ZNF783: variants seen among roughly 807,000 people sequenced by gnomAD.
The protein encoded by ZNF783 is protein ZNF783.
In ZNF783, 25 loss-of-function variants were observed where a neutral mutation model predicts 31.3. The ratio of observed to expected loss-of-function variants is 0.80; its 90% CI spans 0.58 to 1.11. The LOEUF is 1.11. Ranked by LOEUF, ZNF783 falls within the 50% of genes most tolerant of loss-of-function variation. ZNF783 has a pLI of 0.00. For missense variants in ZNF783, 797 were observed against 760.0 expected (o/e 1.05, Z -0.57); for synonymous variants, 369 against 319.1 (o/e 1.16, Z -1.66).
chr7:149,263,294 GTGTGTGTGTGTATATATATA>G (rs1480341196), intron 1 of ZNF783, among the ~76,000 whole-genome samples: 13 of 73,804 alleles, frequency 1.8e-4, no homozygotes, highest in African/African-American at 6.1e-4. Context: ...GTGTGTGTGT[GTGTGTGTGTGTATATATATA>G]TATATATATA....
At chr7:149,273,073 C>A (rs1797244046) in intron 4 of ZNF783, among the ~76,000 whole-genome samples, 1 of 152,172 alleles carries the variant, frequency 6.6e-6, no homozygotes, top group African/African-American at 2.4e-5. Context: ...TTGCAGATGA[C>A]AGGATCTCAT....
chr7:149,278,364 T>C, intron 4 of ZNF783, 35 bp from the exon 5 acceptor site: 1 of 1,597,836 alleles, frequency 6.3e-7, no homozygotes, highest in Non-Finnish European at 8.5e-7. Flanking sequence ...GAGACCTCCA[T>C]GTTGTGCTCA....
At chr7:149,280,079 C>T (rs1477472286) in intron 5 of ZNF783, among the ~76,000 whole-genome samples, 8 of 98,348 alleles carry the variant, frequency 8.1e-5, no homozygotes, top group South Asian at 3.9e-4. Context: ...CCGGACGGGG[C>T]GGCTGGCCGG....
At chr7:149,280,403 G>A (rs1797438066) in intron 5 of ZNF783, among the ~76,000 whole-genome samples, 1 of 152,030 alleles carries the variant, frequency 6.6e-6, no homozygotes, top group African/African-American at 2.4e-5. Context: ...GGAGTGTGGG[G>A]GCCTTTTGGG....
chr7:149,266,202 CCAGTCTG>C (rs1797060095), intron 1 of ZNF783, 126 bp from the exon 2 acceptor site: 2 of 1,057,246 alleles, frequency 1.9e-6, no homozygotes, highest in East Asian at 5.3e-5. Flanking sequence ...CCTCTCCCCC[CCAGTCTG>C]CTGCTAACTC....
rs1797533954 is a variant in ZNF783, at chr7:149,283,529, A to G, written c.*1186A>G. The G allele has an allele frequency of 6.6e-6, 1 of 152,200 alleles. No homozygotes were observed. The allele number at this position is 152,200 out of a possible 1,614,324, so 9.4% of individuals were successfully genotyped here. On this transcript the variant is annotated 3_prime_UTR_variant, in exon 6 of 6. Coordinates refer to ENST00000434415, the MANE Select transcript of ZNF783 (RefSeq NM_001195220.2). ...GAAAGCACCCTGAGGGGCAGTGCAG[A>G]GAGAGCCCAGGAAGCCCCTCCACTA...
In ZNF783 at chr7:149,282,468, CCTT is replaced by C; in HGVS notation, c.*128_*130del. On this transcript the variant is annotated 3_prime_UTR_variant, in exon 6 of 6. Coordinates refer to ENST00000434415, the MANE Select transcript of ZNF783 (RefSeq NM_001195220.2). ...CCCATTCAAATGGGAAGCTAGCTGCCCTTCTGGTGACATTGTGTGTGACCGGGT... is the reference window on the plus strand; with the variant it reads ...CCCATTCAAATGGGAAGCTAGCTGCCCTGGTGACATTGTGTGTGACCGGGT... 7.1e-6 allele frequency: 6 copies of C among 844,582 alleles called. No individual in the cohort carries two copies. Among genetic ancestry groups the C allele is most frequent in the Non-Finnish European group, 5.3e-6 (3 of 568,524 alleles). The allele number at this position is 844,582 out of a possible 1,614,324, so 52.3% of individuals were successfully genotyped here. A position where few individuals can be genotyped will look rare whatever the true frequency, so the allele number is the denominator to read the frequency against.
intron 5 of ZNF783, among the ~76,000 whole-genome samples, chr7:149,281,018 A>G (rs1797455008): frequency 6.6e-6 from 1 of 152,208 alleles, no homozygotes; most frequent in Non-Finnish European, 1.5e-5. Context: ...CATGTGGATG[A>G]GCAGCTGAGC....
At chr7:149,280,833 C>T (rs898043420) in intron 5 of ZNF783, among the ~76,000 whole-genome samples, 1 of 152,212 alleles carries the variant, frequency 6.6e-6, no homozygotes, top group Non-Finnish European at 1.5e-5. Flanking sequence ...TGATCACCTG[C>T]CACTGCCTTG....
rs55952748 is a variant in ZNF783 at position 149,282,868 on chromosome 7, C to T, written c.*525C>T. ...TGTGTAGTTGTTAATGGAACTTTGC[C>T]TTTTGCAAAGTCGGAAAGAGTCGGC... is the stretch of plus-strand genomic sequence containing the variant. On this transcript the variant is annotated 3_prime_UTR_variant, in exon 6 of 6. Transcript: ENST00000434415. 6.6e-6 allele frequency: 1 copy of T among 152,620 alleles called. No individual in the cohort carries two copies. The highest frequency in any genetic ancestry group is 1.5e-5 in the Non-Finnish European group (1 of 68,442). The allele number at this position is 152,620 out of a possible 1,614,324, so 9.5% of individuals were successfully genotyped here.
At chr7:149,263,415 G>A (rs911997281) in intron 1 of ZNF783, among the ~76,000 whole-genome samples, 1 of 147,256 alleles carries the variant, frequency 6.8e-6, no homozygotes. Flanking sequence ...TGCCTCCCGG[G>A]TTCAAGGTAT....
chr7:149,282,287 C>A lies in ZNF783; in HGVS notation c.1585C>A (p.Pro529Thr). Residue 529 changes from proline to threonine, a missense_variant, in exon 6 of 6, where the codon CCC becomes ACC. Coordinates refer to ENST00000434415, the MANE Select transcript of ZNF783 (RefSeq NM_001195220.2). ...GGTGGGCCCACACTTCCCTGCCGCCCCCGCCCGCCACGGGAGCCTGCCCCT... is the reference window on the plus strand; with the variant it reads ...GGTGGGCCCACACTTCCCTGCCGCCACCGCCCGCCACGGGAGCCTGCCCCT... ...GQVGPHFPAAPARHGSLPLPW... is the reference protein window; with the variant it reads ...GQVGPHFPAATARHGSLPLPW... 1.9e-6 allele frequency: 3 copies of A among 1,573,598 alleles called. No individual in the cohort carries two copies. The highest frequency in any genetic ancestry group is 2.3e-5 in the East Asian group (1 of 43,276).
Position 149,281,765 on chromosome 7 carries a change from G to A in ZNF783, c.1063G>A (p.Gly355Arg), listed in dbSNP as rs769790352. The change falls in exon 6 of 6, where the codon GGG becomes AGG. Residue 355 changes from glycine to arginine, a missense_variant. Gly to Arg is a moderately radical substitution (Grantham distance 125, BLOSUM62 -2). Coordinates refer to ENST00000434415, the MANE Select transcript of ZNF783 (RefSeq NM_001195220.2). ...GCGGGCATTCCCCTGCCCCGACTGC[G>A]GGCAGAGCTTCCGCCTGAAGATCAA... is the stretch of plus-strand genomic sequence containing the variant. ...RQRAFPCPDC[G>R]QSFRLKINLT... 74 of 1,499,840 alleles carry A rather than the reference G, an allele frequency of 4.9e-5. No individual in the cohort carries two copies. Among genetic ancestry groups the A allele is most frequent in the East Asian group, 2.2e-4 (9 of 41,762 alleles). 92.9% of individuals were successfully genotyped at this position (1,499,840 alleles called of 1,614,324 possible). A position where few individuals can be genotyped will look rare whatever the true frequency, so the allele number is the denominator to read the frequency against.
chr7:149,266,120 G>C (rs929823686), intron 1 of ZNF783, among the ~76,000 whole-genome samples: 3 of 152,178 alleles, frequency 2.0e-5, no homozygotes, highest in Admixed American at 1.3e-4. Context: ...TTTCCCACTT[G>C]CTGACACGTT....
At chr7:149,278,078 CA>C in intron 4 of ZNF783, 1 of 972,402 alleles carries the variant, frequency 1.0e-6, no homozygotes, top group Non-Finnish European at 1.3e-6. Flanking sequence ...AGGTGGTGAC[CA>C]CCCCACTGGC....
intron 1 of ZNF783, among the ~76,000 whole-genome samples, chr7:149,263,548 ATACAC>A (rs1215772112): frequency 2.6e-5 from 4 of 152,116 alleles, no homozygotes; most frequent in African/African-American, 4.8e-5. Context: ...ATTCATAAGA[ATACAC>A]TATAAGTATT....
At chr7:149,274,031 A>G (rs1368576731) in intron 4 of ZNF783, among the ~76,000 whole-genome samples, 1 of 151,786 alleles carries the variant, frequency 6.6e-6, no homozygotes, top group Non-Finnish European at 1.5e-5. Flanking sequence ...GTGTCTTTTC[A>G]CTTTGTTGAT....
chr7:149,283,506 A>AAGCACCCTG lies in ZNF783; in HGVS notation c.*1166_*1174dup, dbSNP rs1199205786. 2 of 152,220 alleles carry AAGCACCCTG rather than the reference A, an allele frequency of 1.3e-5. No individual in the cohort carries two copies. Among genetic ancestry groups the AAGCACCCTG allele is most frequent in the East Asian group, 3.9e-4 (2 of 5,188 alleles). The allele number at this position is 152,220 out of a possible 1,614,324, so 9.4% of individuals were successfully genotyped here. On this transcript the variant is annotated 3_prime_UTR_variant, in exon 6 of 6. Coordinates refer to ENST00000434415, the MANE Select transcript of ZNF783 (RefSeq NM_001195220.2). ...TAAGATCCATTGACTGGACCCCAGAAAGCACCCTGAGGGGCAGTGCAGAGA... is the reference window on the plus strand; with the variant it reads ...TAAGATCCATTGACTGGACCCCAGAAAGCACCCTGAGCACCCTGAGGGGCAGTGCAGAGA...
At position 149,284,759 on chromosome 7, in the gene ZNF783, A is replaced by AATAAC. The variant is rs1178848182; in HGVS notation, c.*2416_*2417insATAAC. On this transcript the variant is annotated 3_prime_UTR_variant, in exon 6 of 6. Transcript: ENST00000434415. ...TTTGCCTAGCACTCAGACCTGTTTA[A>AATAAC]GTAACGTTCTTTACATTGAAACAAG... is the stretch of plus-strand genomic sequence containing the variant. The AATAAC allele has an allele frequency of 2.0e-5, 3 of 152,204 alleles. No individual in the cohort carries two copies. The highest frequency in any genetic ancestry group is 6.5e-5 in the Admixed American group (1 of 15,288). The allele number at this position is 152,204 out of a possible 1,614,324, so 9.4% of individuals were successfully genotyped here.
Sources: gnomAD v4.1 joint callset for allele counts (sites outside exome capture counted in the v4.1 genomes callset) on GRCh38, gnomAD v4.1.1 for gene constraint, MANE v1.5 for transcripts, NCBI Gene and HGNC (gene_info 2026-07-23, HGNC 2026-07-21) for gene names.